TDRP: variants seen among roughly 807,000 people sequenced by gnomAD.
TDRP encodes the protein testis development-related protein.
Under a neutral mutation model 10.5 loss-of-function variants are expected in TDRP, and 12 were observed. The ratio of observed to expected loss-of-function variants is 1.15; its 90% CI spans 0.73 to 1.86. The LOEUF (loss-of-function observed/expected upper bound fraction) is 1.86, where lower values mean the gene tolerates loss of function less well. Ranked by LOEUF, TDRP falls within the 40% of genes most tolerant of loss-of-function variation. The pLI, the probability that TDRP is intolerant of heterozygous loss-of-function variation, is 0.00. For missense variants in TDRP, 353 were observed against 229.2 expected (o/e 1.54, Z -3.49); for synonymous variants, 139 against 95.4 (o/e 1.46, Z -2.67).
upstream of TDRP, chr8:545,572 G>C (rs1473345804): frequency 2.6e-5 from 4 of 152,430 alleles, no homozygotes; most frequent in South Asian, 4.1e-4. Context: ...CAAGGCTGAG[G>C]GGAAGGTGGA....
intron 1 of TDRP, among the ~76,000 whole-genome samples, chr8:515,968 C>T (rs1801747379): frequency 6.6e-6 from 1 of 152,128 alleles, no homozygotes; most frequent in East Asian, 1.9e-4. Flanking sequence ...AAAGAAATGC[C>T]ATTCACAAGA....
intron 1 of TDRP, among the ~76,000 whole-genome samples, chr8:537,292 C>T (rs745950019): frequency 6.6e-5 from 10 of 152,190 alleles, no homozygotes; most frequent in Non-Finnish European, 1.3e-4. Context: ...GCCTGTCGCA[C>T]AAGTGAGAAG....
Position 508,276 on chromosome 8 carries a change from A to T in TDRP, c.109-13679T>A, listed in dbSNP as rs371238534. Among the ~76,000 whole-genome samples, 6 of 152,344 alleles carry T rather than the reference A, an allele frequency of 3.9e-5. 1 individual carries two copies. In the South Asian group the frequency reaches 1.2e-3, roughly 32 times the overall value. On this transcript the variant is annotated intron_variant, in intron 1 of 2. Transcript: ENST00000324079. ...ACAGTACATTTTAATTTAGAGAAGAAAAAATTAAGTGAACTTGAAGACAGA... is the reference window on the plus strand; with the variant it reads ...ACAGTACATTTTAATTTAGAGAAGATAAAATTAAGTGAACTTGAAGACAGA...
chr8:495,420 C>A (rs1180424487), intron 1 of TDRP, among the ~76,000 whole-genome samples: 1 of 152,146 alleles, frequency 6.6e-6, no homozygotes, highest in Non-Finnish European at 1.5e-5. Flanking sequence ...GTGTAGATTT[C>A]TGAGAAGAAA....
At chr8:493,012 CAA>C (rs1427528778) in intron 2 of TDRP, among the ~76,000 whole-genome samples, 2 of 152,136 alleles carry the variant, frequency 1.3e-5, no homozygotes, top group Admixed American at 1.3e-4. Context: ...TATTATCACA[CAA>C]GAGAGAACCT....
chr8:514,716 C>T (rs1801709539), intron 1 of TDRP, among the ~76,000 whole-genome samples: 4 of 152,080 alleles, frequency 2.6e-5, no homozygotes, highest in Non-Finnish European at 5.9e-5. Flanking sequence ...GCAGCCTTTC[C>T]CTGGGACACT....
At chr8:531,729 C>T (rs1802203613) in intron 1 of TDRP, among the ~76,000 whole-genome samples, 1 of 152,194 alleles carries the variant, frequency 6.6e-6, no homozygotes. Flanking sequence ...AAAAATATCA[C>T]TATAAAACTT....
intron 1 of TDRP, among the ~76,000 whole-genome samples, 174 bp from the exon 2 acceptor site, chr8:494,771 A>G (rs1433159032): frequency 6.6e-6 from 1 of 152,198 alleles, no homozygotes; most frequent in Non-Finnish European, 1.5e-5. Flanking sequence ...TAGTCATCTC[A>G]GCTGTTTTGG....
At chr8:544,843 C>T (rs985032197), upstream of TDRP, 7 of 1,043,620 alleles carry the variant, frequency 6.7e-6, no homozygotes, top group African/African-American at 1.7e-5. Flanking sequence ...CTGCCTGCGG[C>T]TCCTGCGGGA....
Position 528,226 on chromosome 8 carries a change from T to TA in TDRP, c.108+16423dup, listed in dbSNP as rs1802088954. Among the ~76,000 whole-genome samples, 5 of 152,326 alleles carry TA rather than the reference T, an allele frequency of 3.3e-5. No individual in the cohort carries two copies. The South Asian group carries it at 1.0e-3, about 32-fold the overall frequency. ...ACAATGAGATATCACTCACATCAGT[T>TA]AAAATGGCTTTTATCCAAAAGACAG... On this transcript the variant is annotated intron_variant, in intron 1 of 2. Transcript: ENST00000324079.
chr8:495,717 G>C (rs190807643), intron 1 of TDRP, among the ~76,000 whole-genome samples: 2 of 152,326 alleles, frequency 1.3e-5, no homozygotes, highest in East Asian at 3.9e-4. Flanking sequence ...AATCCTGAAA[G>C]CTGACCTGAG....
intron 1 of TDRP, among the ~76,000 whole-genome samples, chr8:502,103 G>A (rs965291944): frequency 4.6e-5 from 7 of 152,210 alleles, no homozygotes; most frequent in African/African-American, 1.7e-4. Flanking sequence ...CTGTGAAAAT[G>A]CTGTGATCCT....
At chr8:532,866 G>A (rs573032507) in intron 1 of TDRP, among the ~76,000 whole-genome samples, 6 of 151,786 alleles carry the variant, frequency 4.0e-5, no homozygotes, top group African/African-American at 9.6e-5. Context: ...AGTTGCCTAC[G>A]GCTGCTTTCA....
rs1329064716 is a variant in TDRP, at chr8:544,679, G to A, written c.79C>T (p.Pro27Ser). 5 of 1,244,794 alleles carry A rather than the reference G, an allele frequency of 4.0e-6. No homozygotes were observed. Among genetic ancestry groups the A allele is most frequent in the South Asian group, 3.7e-5 (1 of 27,236 alleles). The allele number at this position is 1,244,794 out of a possible 1,614,324, so 77.1% of individuals were successfully genotyped here. Residue 27 changes from proline to serine, a missense_variant, in exon 1 of 3, where the codon CCG becomes TCG. Coordinates refer to ENST00000324079, the MANE Select transcript of TDRP (RefSeq NM_001384899.1). The part of the protein sequence containing the change: ...EEDGLRGGPP[P>S]AAAAAAQAQV... ...GCCTGGGCGGCGGCGGCGGCGGCCGGTGGCGGCCCCCCACGCAGGCCGTCC... is the reference window on the plus strand; with the variant it reads ...GCCTGGGCGGCGGCGGCGGCGGCCGATGGCGGCCCCCCACGCAGGCCGTCC...
chr8:515,838 A>G (rs1171100018), intron 1 of TDRP, among the ~76,000 whole-genome samples: 2 of 152,214 alleles, frequency 1.3e-5, no homozygotes, highest in Admixed American at 1.3e-4. Context: ...AATTACTTTT[A>G]GACAATGACT....
intron 1 of TDRP, among the ~76,000 whole-genome samples, chr8:519,013 C>G (rs1357497668): frequency 6.6e-6 from 1 of 152,134 alleles, no homozygotes; most frequent in Non-Finnish European, 1.5e-5. Flanking sequence ...AATGCCAACA[C>G]CTTGATTTCA....
chr8:504,474 C>G (rs1480224846), intron 1 of TDRP, among the ~76,000 whole-genome samples: 1 of 152,116 alleles, frequency 6.6e-6, no homozygotes, highest in Non-Finnish European at 1.5e-5. Context: ...ACCCACTCAC[C>G]AAGTGAAACG....
chr8:535,235 G>A lies in TDRP; in HGVS notation c.108+9415C>T, dbSNP rs1488630762. Among the ~76,000 whole-genome samples the A allele has an allele frequency of 2.6e-5, 4 of 151,958 alleles. No individual in the cohort carries two copies. In the South Asian group the frequency reaches 6.2e-4, roughly 24 times the overall value. On this transcript the variant is annotated intron_variant, in intron 1 of 2. Transcript: ENST00000324079. Reference sequence around the variant, plus strand: ...TGGTCTGCGGGCTGTCCACACACTCGCCTGGTTCCCAAGTCTTTGGGAGCA... The same window carrying A: ...TGGTCTGCGGGCTGTCCACACACTCACCTGGTTCCCAAGTCTTTGGGAGCA...
chr8:506,015 G>A (rs1440152403), intron 1 of TDRP, among the ~76,000 whole-genome samples: 2 of 152,158 alleles, frequency 1.3e-5, no homozygotes, highest in African/African-American at 2.4e-5. Flanking sequence ...GTGGCCTAAT[G>A]GCTGGGGGTC....
Sources: allele counts gnomAD v4.1 joint callset (sites outside exome capture counted in the v4.1 genomes callset), GRCh38; gene constraint gnomAD v4.1.1; transcripts MANE v1.5; gene names NCBI Gene and HGNC (gene_info 2026-07-23, HGNC 2026-07-21).